Variants in GRK1 observed in about 807,000 individuals in gnomAD.
The protein encoded by GRK1 is rhodopsin kinase GRK1.
GRK1 carries 28 observed loss-of-function variants against 41.7 expected under a neutral mutation model. The ratio of observed to expected loss-of-function variants is 0.67; its 90% confidence interval spans 0.50 to 0.92. The LOEUF (loss-of-function observed/expected upper bound fraction) is 0.92. GRK1 is among the 40% of genes least tolerant of loss of function. The pLI, the probability that GRK1 is intolerant of heterozygous loss-of-function variation, is 0.00. For synonymous variants in GRK1, 327 were observed against 286.7 expected (o/e 1.14, Z -1.42); for missense variants, 703 against 671.2 (o/e 1.05, Z -0.52).
chr13:113,733,658 T>TGCGC (rs1421643992), intron 6 of GRK1, among the ~76,000 whole-genome samples: 3 of 99,188 alleles, frequency 3.0e-5, no homozygotes, highest in African/African-American at 1.7e-4. Context: ...CATACGTGTG[T>TGCGC]GTGCGTGTGT....
At chr13:113,725,301 A>C (rs1011607578) in intron 4 of GRK1, among the ~76,000 whole-genome samples, 24 of 132,808 alleles carry the variant, frequency 1.8e-4, no homozygotes, top group Non-Finnish European at 2.7e-4. Flanking sequence ...GCGCGGTCCT[A>C]GTTTGAGGTC....
At chr13:113,654,901 T>C in the GRK1 span, 2 of 1,614,068 alleles carry the variant, frequency 1.2e-6, no homozygotes, top group African/African-American at 2.7e-5. Flanking sequence ...AAGAGCCCAG[T>C]CATCACCACG....
intron 3 of GRK1, among the ~76,000 whole-genome samples, chr13:113,672,557 T>TGACATGTGTGTGTGG (rs1594573233): frequency 2.0e-4 from 1 of 4,996 alleles, no homozygotes; most frequent in African/African-American, 1.1e-3. Flanking sequence ...CTTTGGTTGT[T>TGACATGTGTGTGTGG]TTTGTACAGT....
chr13:113,733,527 G>GCA (rs2049954451), intron 6 of GRK1, among the ~76,000 whole-genome samples: 1 of 120,964 alleles, frequency 8.3e-6, no homozygotes, highest in Non-Finnish European at 2.0e-5. Flanking sequence ...GTGCATGTGT[G>GCA]CGCGTGTGTG....
chr13:113,661,970 TTA>T, the GRK1 span, among the ~76,000 whole-genome samples: 1 of 152,236 alleles, frequency 6.6e-6, no homozygotes, highest in African/African-American at 2.4e-5. Context: ...CCAACTCATC[TTA>T]TAAGACCAGT....
chr13:113,665,170 C>T (rs553941017), upstream of GRK1, among the ~76,000 whole-genome samples: 36 of 152,292 alleles, frequency 2.4e-4, 1 homozygote, highest in South Asian at 6.0e-3. Context: ...TTCCTTTCTG[C>T]GACCCTTTGC....
upstream of GRK1, among the ~76,000 whole-genome samples, chr13:113,666,388 A>T (rs886962830): frequency 6.8e-6 from 1 of 146,474 alleles, no homozygotes; most frequent in Non-Finnish European, 1.5e-5. Flanking sequence ...CCCAGGTCTC[A>T]GGTGTGCCCC....
chr13:113,666,189 G>C (rs1200649532), upstream of GRK1, among the ~76,000 whole-genome samples: 1 of 148,252 alleles, frequency 6.7e-6, no homozygotes, highest in African/African-American at 2.5e-5. Flanking sequence ...AAGTGTCTCA[G>C]GTGTGCCCCA....
chr13:113,651,473 C>A, the GRK1 span, among the ~76,000 whole-genome samples: 3 of 152,218 alleles, frequency 2.0e-5, no homozygotes, highest in African/African-American at 7.2e-5. Context: ...AAGAAAAAGC[C>A]CCATTGTTTC....
At chr13:113,653,437 G>GGA in the GRK1 span, 1 of 1,612,000 alleles carries the variant, frequency 6.2e-7, no homozygotes, top group Non-Finnish European at 8.5e-7. Flanking sequence ...GGTTACCCCT[G>GGA]GAGAGAGAGA....
chr13:113,650,334 T>C, the GRK1 span: 9 of 1,420,116 alleles, frequency 6.3e-6, no homozygotes, highest in Non-Finnish European at 8.9e-6. The surrounding 1 kb of genome is among the most constrained non-coding windows in gnomAD (Gnocchi z 5.0). Flanking sequence ...AAGGGGCTTA[T>C]TGCTTTCCTT....
upstream of GRK1, among the ~76,000 whole-genome samples, chr13:113,665,550 TAGGTGTGTCTCAGGTGCATCCC>T (rs1594568836): frequency 3.5e-5 from 4 of 113,666 alleles, no homozygotes; most frequent in East Asian, 3.0e-4. Flanking sequence ...TCAGCTGTCT[TAGGTGTGTCTCAGGTGCATCCC>T]AGGTGTGTCT....
chr13:113,728,589 A>G (rs992653645), intron 4 of GRK1, among the ~76,000 whole-genome samples: 4 of 152,168 alleles, frequency 2.6e-5, no homozygotes, highest in African/African-American at 9.7e-5. Context: ...TGCTGTGCTC[A>G]TCACCATGGC....
intron 4 of GRK1, among the ~76,000 whole-genome samples, chr13:113,728,213 C>T (rs1188126487): frequency 1.8e-4 from 18 of 102,330 alleles, no homozygotes; most frequent in African/African-American, 4.8e-4. Flanking sequence ...GTACCCATGG[C>T]GATGAGGAGT....
In GRK1 at chr13:113,735,505, GC is replaced by G; in HGVS notation, c.*143del. The G allele has an allele frequency of 1.1e-6, 1 of 946,672 alleles. No individual in the cohort carries two copies. Among genetic ancestry groups the G allele is most frequent in the Non-Finnish European group, 1.5e-6 (1 of 676,840 alleles). The allele number at this position is 946,672 out of a possible 1,614,324, so 58.6% of individuals were successfully genotyped here. On this transcript the variant is annotated 3_prime_UTR_variant, in exon 7 of 7. Transcript: ENST00000335678. ...CAGGTCCCCATCACGCCATCTCCTT[GC>G]GGCCCAAGGAGGAGAAAGCCCACAT...
Position 113,668,070 on chromosome 13 carries a change from G to A in GRK1, c.684G>A (p.Lys228=), listed in dbSNP as rs549573569. 38 of 1,607,454 alleles carry A rather than the reference G, an allele frequency of 2.4e-5. No individual in the cohort carries two copies. Among genetic ancestry groups the A allele is most frequent in the Non-Finnish European group, 3.1e-5 (36 of 1,177,310 alleles). Residue 228 remains lysine, a synonymous_variant, in exon 1 of 7, where the codon AAG becomes AAA. Transcript: ENST00000335678. The stretch of plus-strand genomic sequence containing the variant: ...AGCTGAACAAGAAGCGGCTGAAGAA[G>A]AGGAAGGGCTACCAGGTGAGCAGCG... ...CKKLNKKRLK[K]RKGYQGAMVE... is the part of the protein sequence containing the mutation.
chr13:113,658,273 A>G, the GRK1 span: 7 of 884,142 alleles, frequency 7.9e-6, no homozygotes, highest in South Asian at 5.1e-5. Flanking sequence ...GAAGGATCCC[A>G]GGGAGAGGCC....
At chr13:113,657,647 A>G in the GRK1 span, among the ~76,000 whole-genome samples, 1 of 152,254 alleles carries the variant, frequency 6.6e-6, no homozygotes, top group South Asian at 2.1e-4. Flanking sequence ...AGAGCCCCTT[A>G]TTCAGGTCAT....
chr13:113,650,672 T>C, the GRK1 span, among the ~76,000 whole-genome samples: 1 of 152,192 alleles, frequency 6.6e-6, no homozygotes, highest in Non-Finnish European at 1.5e-5. The surrounding 1 kb of genome is among the most constrained non-coding windows in gnomAD (Gnocchi z 5.0). Context: ...TAATCAGTGC[T>C]GAGATCTCAG....
Sources: gnomAD v4.1 joint callset for allele counts (sites outside exome capture counted in the v4.1 genomes callset) on GRCh38, gnomAD v4.1.1 for gene constraint, Gnocchi (gnomAD v3.1) non-coding constraint, MANE v1.5 for transcripts, NCBI Gene and HGNC (gene_info 2026-07-23, HGNC 2026-07-21) for gene names.